Variants in SH3RF3 observed in about 807,000 individuals in gnomAD.
The protein encoded by SH3RF3 is SH3 domain containing ring finger 3.
A neutral mutation model predicts 66.3 loss-of-function variants in SH3RF3; 29 were observed. The ratio of observed to expected loss-of-function variants is 0.44; its 90% confidence interval spans 0.33 to 0.60. The LOEUF is 0.60. Ranked by LOEUF, SH3RF3 falls within the 20% of genes least tolerant of loss-of-function variation. SH3RF3 has a pLI of 0.04. For missense variants in SH3RF3, 1,194 were observed against 1,190.9 expected (o/e 1.00, Z -0.04); for synonymous variants, 583 against 532.0 (o/e 1.10, Z -1.32).
At chr2:109,379,665 C>G (rs890359003) in intron 3 of SH3RF3, among the ~76,000 whole-genome samples, 1 of 152,192 alleles carries the variant, frequency 6.6e-6, no homozygotes, top group Non-Finnish European at 1.5e-5. Context: ...CCTGCCGCAG[C>G]GACAGCCTGT....
intron 8 of SH3RF3, among the ~76,000 whole-genome samples, chr2:109,488,949 C>A (rs541516265): frequency 2.0e-4 from 30 of 152,302 alleles, no homozygotes; most frequent in South Asian, 4.1e-4. Flanking sequence ...CAGAGCTGGG[C>A]CGCCTCTTCC....
chr2:109,304,056 G>C (rs1451876755), intron 1 of SH3RF3, among the ~76,000 whole-genome samples: 1 of 151,220 alleles, frequency 6.6e-6, no homozygotes, highest in African/African-American at 2.4e-5. Context: ...AGCTGAGATC[G>C]CGCCATTGCA....
chr2:109,343,882 T>G (rs79382823), intron 1 of SH3RF3, among the ~76,000 whole-genome samples: 3,944 of 152,212 alleles, frequency 0.026, 160 homozygotes, highest in African/African-American at 0.088. Context: ...TAGCTGAGAC[T>G]ACAGGTACTT....
At chr2:109,340,254 AG>A (rs763825356) in intron 1 of SH3RF3, among the ~76,000 whole-genome samples, 3 of 152,130 alleles carry the variant, frequency 2.0e-5, no homozygotes, top group East Asian at 3.9e-4. Context: ...CTATCGGTAA[AG>A]TGCAGATAAT....
At chr2:109,298,574 G>T (rs1681382326) in intron 1 of SH3RF3, among the ~76,000 whole-genome samples, 1 of 152,108 alleles carries the variant, frequency 6.6e-6, no homozygotes, top group Admixed American at 6.5e-5. Context: ...AGCCCTGCAG[G>T]AGGATGAGCC....
At chr2:109,225,244 G>A (rs1679346090) in intron 1 of SH3RF3, among the ~76,000 whole-genome samples, 1 of 152,138 alleles carries the variant, frequency 6.6e-6, no homozygotes, top group African/African-American at 2.4e-5. Flanking sequence ...TTTTAATAAC[G>A]ATAATAATAA....
At chr2:109,455,479 T>A (rs921194276) in intron 8 of SH3RF3, among the ~76,000 whole-genome samples, 1 of 152,092 alleles carries the variant, frequency 6.6e-6, no homozygotes, top group African/African-American at 2.4e-5. Context: ...GTGGGACACA[T>A]GTGTGCACCC....
At chr2:109,141,363 C>G (rs2104832191) in intron 1 of SH3RF3, 1 of 152,780 alleles carries the variant, frequency 6.5e-6, no homozygotes, top group African/African-American at 2.4e-5. Context: ...CCCTCTTCCT[C>G]CAACTTGCTC....
chr2:109,269,616 A>C (rs1680580707), intron 1 of SH3RF3, among the ~76,000 whole-genome samples: 1 of 152,094 alleles, frequency 6.6e-6, no homozygotes, highest in South Asian at 2.1e-4. Context: ...CCCCATCTCT[A>C]CTAAAAATAA....
chr2:109,455,816 A>G (rs1049460559), intron 8 of SH3RF3, among the ~76,000 whole-genome samples: 1 of 152,136 alleles, frequency 6.6e-6, no homozygotes, highest in South Asian at 2.1e-4. Context: ...AGTGCCATTC[A>G]CTTCCGAAGT....
chr2:109,316,710 G>A (rs898167493), intron 1 of SH3RF3, among the ~76,000 whole-genome samples: 2 of 152,142 alleles, frequency 1.3e-5, no homozygotes, highest in African/African-American at 4.8e-5. Flanking sequence ...GACATTCCAC[G>A]GGTTTGGACA....
At chr2:109,243,389 C>T (rs566326173) in intron 1 of SH3RF3, among the ~76,000 whole-genome samples, 87 of 152,358 alleles carry the variant, frequency 5.7e-4, no homozygotes, top group Admixed American at 8.5e-4. Context: ...GGGGCACATG[C>T]TGGAGTGCCT....
chr2:109,466,371 C>T (rs368291716), intron 8 of SH3RF3, among the ~76,000 whole-genome samples: 2 of 152,068 alleles, frequency 1.3e-5, no homozygotes, highest in African/African-American at 2.4e-5. Flanking sequence ...GTGAGTCCTG[C>T]GCCCAGCCTG....
At chr2:109,252,129 A>G (rs1476401054) in intron 1 of SH3RF3, among the ~76,000 whole-genome samples, 1 of 152,088 alleles carries the variant, frequency 6.6e-6, no homozygotes, top group Non-Finnish European at 1.5e-5. Flanking sequence ...CTATAGTCTC[A>G]GCTACTCAGG....
At chr2:109,260,970 C>T (rs1431951331) in intron 1 of SH3RF3, among the ~76,000 whole-genome samples, 1 of 152,138 alleles carries the variant, frequency 6.6e-6, no homozygotes, top group East Asian at 1.9e-4. Flanking sequence ...GAGGTGTTCT[C>T]AGCCCCATGT....
intron 2 of SH3RF3, among the ~76,000 whole-genome samples, chr2:109,368,490 G>A (rs889678625): frequency 6.6e-6 from 1 of 151,388 alleles, no homozygotes; most frequent in African/African-American, 2.4e-5. Context: ...GATTATTGCT[G>A]GTATATGAGA....
intron 1 of SH3RF3, among the ~76,000 whole-genome samples, chr2:109,222,389 A>C (rs1418045973): frequency 6.6e-6 from 1 of 152,234 alleles, no homozygotes; most frequent in African/African-American, 2.4e-5. Flanking sequence ...GGTGATGGAT[A>C]TGCTAGTTAC....
intron 1 of SH3RF3, among the ~76,000 whole-genome samples, chr2:109,262,886 G>A (rs1037892103): frequency 3.9e-5 from 6 of 152,076 alleles, no homozygotes; most frequent in Non-Finnish European, 7.4e-5. Flanking sequence ...AGGCTGGAGT[G>A]CAGTGGCATG....
intron 3 of SH3RF3, among the ~76,000 whole-genome samples, chr2:109,392,097 T>G (rs2104415873): frequency 6.6e-6 from 1 of 152,290 alleles, no homozygotes; most frequent in Admixed American, 6.5e-5. Context: ...TTTACAAACA[T>G]GAGCCACTGT....
Sources: allele counts gnomAD v4.1 joint callset (sites outside exome capture counted in the v4.1 genomes callset), GRCh38; gene constraint gnomAD v4.1.1; transcripts MANE v1.5; gene names NCBI Gene and HGNC (gene_info 2026-07-23, HGNC 2026-07-21).